FGGY: variants seen among roughly 807,000 people sequenced by gnomAD.
FGGY encodes the protein FGGY carbohydrate kinase domain-containing protein.
FGGY carries 72 observed loss-of-function variants against 71.3 expected under a neutral mutation model. The observed-to-expected ratio is 1.01, with a 90% confidence interval of 0.84 to 1.23. The LOEUF (loss-of-function observed/expected upper bound fraction) is 1.23. FGGY is among the 50% of genes most tolerant of loss of function. The pLI is 0.00. For synonymous variants in FGGY, 251 were observed against 250.3 expected (o/e 1.00, Z -0.02); for missense variants, 668 against 682.3 (o/e 0.98, Z 0.23).
intron 4 of FGGY, among the ~76,000 whole-genome samples, chr1:59,354,608 G>C (rs921188371): frequency 3.3e-5 from 5 of 152,198 alleles, no homozygotes; most frequent in Admixed American, 2.6e-4. Context: ...GGGAGGATCT[G>C]AGGCTGTGAA....
intron 14 of FGGY, among the ~76,000 whole-genome samples, chr1:59,752,868 T>A (rs920032259): frequency 6.6e-6 from 1 of 152,170 alleles, no homozygotes; most frequent in Non-Finnish European, 1.5e-5. Flanking sequence ...CCCTATTTTT[T>A]CCTCCAGAAA....
chr1:59,475,710 G>A (rs4912213), intron 6 of FGGY, among the ~76,000 whole-genome samples: 1 of 151,928 alleles, frequency 6.6e-6, no homozygotes, highest in Non-Finnish European at 1.5e-5. Context: ...AAGTGGACCC[G>A]GAATGAGGCA....
chr1:59,751,334 G>A (rs898326659), intron 14 of FGGY, among the ~76,000 whole-genome samples: 1 of 152,170 alleles, frequency 6.6e-6, no homozygotes, highest in Admixed American at 6.5e-5. Flanking sequence ...AGTGGTAGTC[G>A]GCCCCTAAGT....
intron 4 of FGGY, among the ~76,000 whole-genome samples, chr1:59,348,231 G>A (rs1357878611): frequency 6.6e-6 from 1 of 152,188 alleles, no homozygotes; most frequent in Non-Finnish European, 1.5e-5. Context: ...AGCAGCCGAG[G>A]TGGGATTTAA....
At chr1:59,472,714 T>C (rs945093898) in intron 6 of FGGY, among the ~76,000 whole-genome samples, 26 of 152,244 alleles carry the variant, frequency 1.7e-4, no homozygotes, top group African/African-American at 6.3e-4. Flanking sequence ...CTAGCTACTC[T>C]GGTGGGGACT....
rs58170089 is a variant in FGGY, at chr1:59,499,299, G to GTTTTTT, written c.671-13001_671-12996dup. On this transcript the variant is annotated intron_variant, in intron 6 of 15. Coordinates refer to ENST00000303721, the MANE Select transcript of FGGY (RefSeq NM_018291.5). The stretch of plus-strand genomic sequence containing the variant: ...ACTGAACCCTATGTATACTATGTTT[G>GTTTTTT]TTTTTTTTTTTTTTTTGATCTGGTA... Among the ~76,000 whole-genome samples, 13 of 105,818 alleles carry GTTTTTT rather than the reference G, an allele frequency of 1.2e-4. No individual in the cohort carries two copies. The South Asian group carries it at 2.4e-3, about 19-fold the overall frequency. The allele number at this position is 105,818 out of a possible 152,430, so 69.4% of individuals were successfully genotyped here.
rs77951445 is a variant in FGGY at position 59,731,190 on chromosome 1, C to T, written c.1513-26741C>T. 7.3e-3 allele frequency among the ~76,000 whole-genome samples: 1,119 copies of T among 152,294 alleles called. 35 individuals carry two copies. The East Asian group carries it at 0.078, about 11-fold the overall frequency. ...GTTCATTTTCTTTAAGATTTCAGCC[C>T]TAGAAGTAGCAAGCTGAAAATCAGG... On this transcript the variant is annotated intron_variant, in intron 14 of 15. Transcript: ENST00000303721.
In FGGY at chr1:59,607,800, C is replaced by T; in HGVS notation, c.904-3C>T. 3.1e-6 allele frequency: 5 copies of T among 1,611,766 alleles called. No homozygotes were observed. Among genetic ancestry groups the T allele is most frequent in the Non-Finnish European group, 4.2e-6 (5 of 1,178,192 alleles). Reference sequence around the variant, plus strand: ...TTCACATATTTTCCATCTTTCTTTCCAGATCAGCAAAGACCCGATTTTTGT... The same window carrying T: ...TTCACATATTTTCCATCTTTCTTTCTAGATCAGCAAAGACCCGATTTTTGT... On this transcript the variant is annotated splice_region_variant and splice_polypyrimidine_tract_variant and intron_variant, in intron 8 of 15. Transcript: ENST00000303721.
chr1:59,468,234 T>G (rs1196463747), intron 6 of FGGY, among the ~76,000 whole-genome samples: 1 of 152,170 alleles, frequency 6.6e-6, no homozygotes, highest in African/African-American at 2.4e-5. Context: ...ACAATGGACT[T>G]TCGTAAATTT....
Position 59,302,879 on chromosome 1 carries a change from C to T in FGGY, c.-15+5729C>T, listed in dbSNP as rs1291945370. ...AAAAAACCCTGTTTAGTAGGATTCA[C>T]TAGTGAAGCCATCAGGGCCTGGAGT... On this transcript the variant is annotated intron_variant, in intron 1 of 15. Coordinates refer to ENST00000303721, the MANE Select transcript of FGGY (RefSeq NM_018291.5). Among the ~76,000 whole-genome samples the T allele has an allele frequency of 8.5e-5, 13 of 152,196 alleles. No individual in the cohort carries two copies. In the East Asian group the frequency reaches 2.5e-3, roughly 29 times the overall value.
intron 6 of FGGY, among the ~76,000 whole-genome samples, chr1:59,469,339 A>G (rs10889137): frequency 0.44 from 67,557 of 151,962 alleles, 15,226 homozygotes; most frequent in Middle Eastern, 0.5. Context: ...TGGGCATCTG[A>G]TAAGGGCCTT....
chr1:59,721,465 A>G (rs1297951479), intron 14 of FGGY, among the ~76,000 whole-genome samples: 1 of 149,724 alleles, frequency 6.7e-6, no homozygotes. Flanking sequence ...CCGCCTCCCA[A>G]GCAACTGGGA....
chr1:59,378,664 T>C, intron 4 of FGGY, 85 bp from the exon 5 acceptor site: 2 of 1,265,236 alleles, frequency 1.6e-6, no homozygotes, highest in Non-Finnish European at 2.3e-6. Flanking sequence ...GCTATGCTTT[T>C]GTTTTGAAAA....
chr1:59,667,157 C>T (rs1167181415), intron 12 of FGGY, 126 bp from the exon 13 acceptor site: 1 of 1,200,244 alleles, frequency 8.3e-7, no homozygotes, highest in Non-Finnish European at 1.2e-6. Flanking sequence ...CTGTGAGTCT[C>T]AGCTTTCTGA....
chr1:59,467,363 G>C (rs2092697253), intron 6 of FGGY, among the ~76,000 whole-genome samples: 2 of 151,986 alleles, frequency 1.3e-5, no homozygotes, highest in South Asian at 4.1e-4. Flanking sequence ...TGGGGGAATG[G>C]GGGAGGGATA....
At chr1:59,598,284 T>G (rs1209939367) in intron 8 of FGGY, among the ~76,000 whole-genome samples, 1 of 152,192 alleles carries the variant, frequency 6.6e-6, no homozygotes, top group African/African-American at 2.4e-5. Context: ...AGAGAAAATG[T>G]GGAGGAACTT....
intron 5 of FGGY, among the ~76,000 whole-genome samples, chr1:59,453,268 A>G (rs1200506893): frequency 6.6e-6 from 1 of 152,204 alleles, no homozygotes; most frequent in Non-Finnish European, 1.5e-5. Context: ...TGTAGCCATA[A>G]AACTTCTGTA....
intron 7 of FGGY, among the ~76,000 whole-genome samples, chr1:59,552,583 T>C (rs764492896): frequency 1.3e-5 from 2 of 152,180 alleles, no homozygotes; most frequent in African/African-American, 4.8e-5. Context: ...GTGCCTTCAG[T>C]ATCTGGGGAT....
intron 14 of FGGY, among the ~76,000 whole-genome samples, chr1:59,748,673 C>T (rs1167374235): frequency 6.6e-6 from 1 of 152,128 alleles, no homozygotes; most frequent in Non-Finnish European, 1.5e-5. Flanking sequence ...GTTGCAAGGA[C>T]GTGTTAAAAA....
Sources: allele counts gnomAD v4.1 joint callset (sites outside exome capture counted in the v4.1 genomes callset), GRCh38; gene constraint gnomAD v4.1.1; transcripts MANE v1.5; gene names NCBI Gene and HGNC (gene_info 2026-07-23, HGNC 2026-07-21).